LDLRAD4: variants seen among roughly 807,000 people sequenced by gnomAD.
LDLRAD4 encodes the protein low density lipoprotein receptor class A domain containing 4.
In LDLRAD4, 5 loss-of-function variants were observed where a neutral mutation model predicts 17.0. The observed-to-expected ratio is 0.29, with a 90% CI of 0.15 to 0.62. The LOEUF (loss-of-function observed/expected upper bound fraction) is 0.62, where lower values mean the gene tolerates loss of function less well. LDLRAD4 is among the 20% of genes least tolerant of loss of function. The probability of loss-of-function intolerance (pLI) is 0.84; values close to 1 mark genes in which losing one functional copy is unlikely to be tolerated. For missense variants in LDLRAD4, 340 were observed against 424.7 expected (o/e 0.80, Z 1.75); for synonymous variants, 168 against 171.8 (o/e 0.98, Z 0.17).
chr18:13,270,808 A>G (rs979615557), intron 1 of LDLRAD4, among the ~76,000 whole-genome samples: 1 of 152,238 alleles, frequency 6.6e-6, no homozygotes, highest in African/African-American at 2.4e-5. Context: ...GGAAGAGAAA[A>G]TGTATTTCAA....
intron 1 of LDLRAD4, among the ~76,000 whole-genome samples, chr18:13,298,194 A>T (rs750794757): frequency 1.3e-5 from 2 of 152,190 alleles, no homozygotes; most frequent in African/African-American, 2.4e-5. Context: ...GACCTTGGAG[A>T]TTCCTGGCAT....
chr18:13,636,857 G>T (rs1409558659), intron 4 of LDLRAD4, among the ~76,000 whole-genome samples: 1 of 151,658 alleles, frequency 6.6e-6, no homozygotes, highest in Non-Finnish European at 1.5e-5. Flanking sequence ...AAGTACAGTG[G>T]CATGACCTCG....
intron 3 of LDLRAD4, among the ~76,000 whole-genome samples, chr18:13,528,098 T>G (rs149434002): frequency 7.9e-5 from 12 of 152,198 alleles, no homozygotes; most frequent in African/African-American, 2.7e-4. Context: ...CTGCCTGATA[T>G]GCTGCCCTGG....
At chr18:13,295,657 C>A (rs1040317283) in intron 1 of LDLRAD4, among the ~76,000 whole-genome samples, 1 of 152,172 alleles carries the variant, frequency 6.6e-6, no homozygotes, top group Non-Finnish European at 1.5e-5. Context: ...TCTGGTGACT[C>A]CCAAGGGGGA....
At chr18:13,587,153 C>A (rs1237052225) in intron 3 of LDLRAD4, among the ~76,000 whole-genome samples, 1 of 152,134 alleles carries the variant, frequency 6.6e-6, no homozygotes, top group East Asian at 1.9e-4. Flanking sequence ...TCTGTAAAAC[C>A]CAGACTGCTG....
chr18:13,629,449 G>T (rs1382835433), intron 4 of LDLRAD4, among the ~76,000 whole-genome samples: 1 of 152,178 alleles, frequency 6.6e-6, no homozygotes, highest in Non-Finnish European at 1.5e-5. Flanking sequence ...AGGAAGTAAG[G>T]ACAAAGGAAC....
At chr18:13,578,818 T>C (rs2094811651) in intron 3 of LDLRAD4, among the ~76,000 whole-genome samples, 1 of 145,652 alleles carries the variant, frequency 6.9e-6, no homozygotes, top group Non-Finnish European at 1.5e-5. Flanking sequence ...ATTTAAAAGT[T>C]GTCCGGGTCT....
Position 13,594,665 on chromosome 18 carries a change from C to CAAAAAAAAAAAAAAA in LDLRAD4, c.182-26442_182-26428dup, listed in dbSNP as rs56035558. On this transcript the variant is annotated intron_variant, in intron 3 of 5. Transcript: ENST00000359446. ...TGGGTGACAGAGCAAGATTCCATCT[C>CAAAAAAAAAAAAAAA]AAAAAAAAAAAAAAAAAAAAAAAAG... Among the ~76,000 whole-genome samples, 71 of 29,570 alleles carry CAAAAAAAAAAAAAAA rather than the reference C, an allele frequency of 2.4e-3. 1 individual carries two copies. The highest frequency in any genetic ancestry group is 2.8e-3 in the Non-Finnish European group (36 of 12,678). The allele number at this position is 29,570 out of a possible 152,430, so 19.4% of individuals were successfully genotyped here.
At chr18:13,310,417 A>G (rs1215129709) in intron 1 of LDLRAD4, among the ~76,000 whole-genome samples, 1 of 151,916 alleles carries the variant, frequency 6.6e-6, no homozygotes, top group Non-Finnish European at 1.5e-5. Context: ...TAGAATTAGG[A>G]CCATGTGTAG....
At chr18:13,459,814 T>C (rs1250963302) in intron 3 of LDLRAD4, 1 of 153,524 alleles carries the variant, frequency 6.5e-6, no homozygotes, top group Non-Finnish European at 1.5e-5. Flanking sequence ...GTCTACATTT[T>C]CTCAGGCAGT....
At chr18:13,357,681 T>A (rs1322418397) in intron 1 of LDLRAD4, among the ~76,000 whole-genome samples, 1 of 152,194 alleles carries the variant, frequency 6.6e-6, no homozygotes, top group African/African-American at 2.4e-5. Flanking sequence ...CCTAGTTGCA[T>A]TAGTTCATTG....
chr18:13,247,288 A>G (rs778340520), intron 1 of LDLRAD4, among the ~76,000 whole-genome samples: 4 of 152,208 alleles, frequency 2.6e-5, no homozygotes, highest in African/African-American at 7.2e-5. Context: ...CAGAGTTCCT[A>G]TATGCCCTGC....
Position 13,404,194 on chromosome 18 carries a change from G to A in LDLRAD4, c.40+16432G>A, listed in dbSNP as rs549075553. 1.4e-4 allele frequency among the ~76,000 whole-genome samples: 22 copies of A among 152,344 alleles called. No individual in the cohort carries two copies. In the South Asian group the frequency reaches 4.1e-3, roughly 29 times the overall value. The stretch of plus-strand genomic sequence containing the variant: ...GCCCTGGAGGATGGAACCCTTCCTT[G>A]AGCGTTGTTGAGGTGTGTCGGGGGT... On this transcript the variant is annotated intron_variant, in intron 2 of 5. Transcript: ENST00000359446.
chr18:13,281,695 C>A (rs1442508841), intron 1 of LDLRAD4, among the ~76,000 whole-genome samples: 1 of 152,134 alleles, frequency 6.6e-6, no homozygotes, highest in Non-Finnish European at 1.5e-5. Flanking sequence ...ATTCAGGGGT[C>A]TCCCTTGGCT....
At chr18:13,244,124 TCACCCACC>T (rs76468635) in intron 1 of LDLRAD4, among the ~76,000 whole-genome samples, 5 of 75,844 alleles carry the variant, frequency 6.6e-5, no homozygotes, top group Admixed American at 1.6e-4. Flanking sequence ...CACCATGAAC[TCACCCACC>T]CACCCACCCA....
intron 2 of LDLRAD4, among the ~76,000 whole-genome samples, chr18:13,390,570 A>G (rs947556399): frequency 2.6e-5 from 4 of 152,056 alleles, no homozygotes; most frequent in Admixed American, 1.3e-4. Flanking sequence ...TGCTTGGCTC[A>G]CTTTAAAGTC....
intron 3 of LDLRAD4, among the ~76,000 whole-genome samples, chr18:13,503,202 G>T (rs1041603161): frequency 1.3e-5 from 2 of 152,222 alleles, no homozygotes; most frequent in Non-Finnish European, 2.9e-5. Flanking sequence ...TTTCCTCCAG[G>T]GTTTTTTCCT....
chr18:13,221,263 C>G (rs973662940), intron 1 of LDLRAD4, among the ~76,000 whole-genome samples: 4 of 152,174 alleles, frequency 2.6e-5, no homozygotes, highest in Non-Finnish European at 4.4e-5. Flanking sequence ...GGCAAAATTG[C>G]TATGTAGTCC....
At chr18:13,428,438 G>A (rs1236446732) in intron 2 of LDLRAD4, among the ~76,000 whole-genome samples, 1 of 152,202 alleles carries the variant, frequency 6.6e-6, no homozygotes, top group African/African-American at 2.4e-5. Flanking sequence ...AGGCTGGAGA[G>A]CTGGTGGGAG....
Sources: gnomAD v4.1 joint callset for allele counts (sites outside exome capture counted in the v4.1 genomes callset) on GRCh38, gnomAD v4.1.1 for gene constraint, MANE v1.5 for transcripts, NCBI Gene and HGNC (gene_info 2026-07-23, HGNC 2026-07-21) for gene names.